The following PARD3B variants were observed in gnomAD, a reference collection of about 807,000 sequenced individuals.
PARD3B encodes partitioning defective 3 homolog B.
A neutral mutation model predicts 130.2 loss-of-function variants in PARD3B; 103 were observed. That is an observed-to-expected ratio of 0.79 (90% CI 0.67 to 0.93). The LOEUF (loss-of-function observed/expected upper bound fraction) is 0.93, where lower values mean the gene tolerates loss of function less well. PARD3B is among the 40% of genes least tolerant of loss of function. The probability of loss-of-function intolerance (pLI) is 0.00; values close to 1 mark genes in which losing one functional copy is unlikely to be tolerated. For synonymous variants in PARD3B, 583 were observed against 553.2 expected (o/e 1.05, Z -0.76); for missense variants, 1,609 against 1,499.2 (o/e 1.07, Z -1.21).
At chr2:204,550,621 C>CT (rs2030385753) in intron 1 of PARD3B, among the ~76,000 whole-genome samples, 2 of 152,122 alleles carry the variant, frequency 1.3e-5, no homozygotes, top group African/African-American at 4.8e-5. Context: ...TGAGTACACC[C>CT]TTTTTTGGAA....
Position 205,185,782 on chromosome 2 carries a change from A to T in PARD3B, c.1943A>T (p.Asp648Val). ...DKQKGLLLPN[D>V]GWAESEVPPS... is the part of the protein sequence containing the mutation. ...TTTATAGGTCTATTGCTGCCCAATG[A>T]CGGATGGGCCGAGAGTGAAGTTCCA... The change falls in exon 14 of 23, where the codon GAC becomes GTC. Residue 648 changes from aspartate (D) to valine (V), a missense_variant. Asp to Val is a radical substitution (Grantham distance 152). Coordinates refer to ENST00000406610, the MANE Select transcript of PARD3B (RefSeq NM_001302769.2). The T allele has an allele frequency of 6.2e-7, 1 of 1,613,910 alleles. No individual in the cohort carries two copies.
At chr2:204,958,411 C>T (rs1474789152) in intron 2 of PARD3B, among the ~76,000 whole-genome samples, 3 of 152,188 alleles carry the variant, frequency 2.0e-5, no homozygotes, top group African/African-American at 4.8e-5. Context: ...AAACCATGTA[C>T]TGCTAGGCAG....
chr2:204,939,501 T>A (rs1197698041), intron 2 of PARD3B, among the ~76,000 whole-genome samples: 2 of 152,204 alleles, frequency 1.3e-5, no homozygotes, highest in Non-Finnish European at 2.9e-5. Context: ...CTTCAATAAA[T>A]CAAGGAATAA....
intron 19 of PARD3B, among the ~76,000 whole-genome samples, chr2:205,422,425 C>G (rs1163165065): frequency 6.6e-6 from 1 of 152,126 alleles, no homozygotes; most frequent in East Asian, 1.9e-4. Flanking sequence ...AAGAGATTGT[C>G]TGGGCTGCTG....
intron 3 of PARD3B, among the ~76,000 whole-genome samples, chr2:205,037,404 G>A (rs1156825010): frequency 6.9e-6 from 1 of 145,754 alleles, no homozygotes; most frequent in Non-Finnish European, 1.5e-5. Context: ...ATATATAGTG[G>A]ACTATATGTA....
intron 2 of PARD3B, among the ~76,000 whole-genome samples, chr2:204,696,738 T>A (rs942078320): frequency 6.6e-6 from 1 of 152,120 alleles, no homozygotes; most frequent in African/African-American, 2.4e-5. Flanking sequence ...ATATGGAAAC[T>A]TCACTTACAG....
intron 3 of PARD3B, among the ~76,000 whole-genome samples, chr2:205,042,622 G>A (rs1698472396): frequency 6.6e-6 from 1 of 151,918 alleles, no homozygotes; most frequent in Admixed American, 6.6e-5. Context: ...TAAATAAAAT[G>A]GGGACTTGAT....
chr2:204,752,791 A>G (rs6737572), intron 2 of PARD3B, among the ~76,000 whole-genome samples: 52,388 of 151,910 alleles, frequency 0.34, 11,426 homozygotes, highest in African/African-American at 0.63. Flanking sequence ...TTGACCATGT[A>G]CAATTGCGTG....
intron 22 of PARD3B, among the ~76,000 whole-genome samples, chr2:205,577,915 A>G (rs748033154): frequency 1.3e-5 from 2 of 152,206 alleles, no homozygotes; most frequent in Non-Finnish European, 2.9e-5. Context: ...GAACTCTTCT[A>G]TAACATTTAT....
intron 4 of PARD3B, among the ~76,000 whole-genome samples, chr2:205,084,439 C>A (rs751039003): frequency 2.0e-5 from 3 of 152,008 alleles, no homozygotes; most frequent in Admixed American, 1.3e-4. Context: ...TTGTAAGGAA[C>A]ATGTCTTATT....
intron 19 of PARD3B, among the ~76,000 whole-genome samples, chr2:205,419,267 T>C (rs764794988): frequency 1.1e-4 from 16 of 152,154 alleles, no homozygotes; most frequent in Non-Finnish European, 2.2e-4. Flanking sequence ...AGGAGTTCCC[T>C]GCACAAGTTC....
chr2:204,809,260 T>C (rs1299923298), intron 2 of PARD3B, among the ~76,000 whole-genome samples: 1 of 152,170 alleles, frequency 6.6e-6, no homozygotes, highest in Non-Finnish European at 1.5e-5. Context: ...TCTTTTGCTG[T>C]TAGAAGCACT....
chr2:204,574,769 G>A (rs759810511), intron 1 of PARD3B, among the ~76,000 whole-genome samples: 25 of 152,122 alleles, frequency 1.6e-4, no homozygotes, highest in Non-Finnish European at 2.9e-5. Context: ...TCTGTATCAT[G>A]TCTGTGTTTC....
At chr2:205,393,126 T>C (rs2045914724) in intron 18 of PARD3B, among the ~76,000 whole-genome samples, 1 of 152,186 alleles carries the variant, frequency 6.6e-6, no homozygotes, top group African/African-American at 2.4e-5. Context: ...GAGATTACAA[T>C]ACATGGAAGT....
At chr2:204,759,087 C>T (rs944520576) in intron 2 of PARD3B, among the ~76,000 whole-genome samples, 45 of 152,262 alleles carry the variant, frequency 3.0e-4, no homozygotes, top group African/African-American at 1.1e-3. Context: ...CTATCAGGCA[C>T]TTTTTCCTGA....
chr2:205,238,436 G>T (rs1436263262), intron 15 of PARD3B, among the ~76,000 whole-genome samples: 1 of 151,950 alleles, frequency 6.6e-6, no homozygotes, highest in Non-Finnish European at 1.5e-5. Flanking sequence ...CAAGATCCCT[G>T]TCTCTAAATT....
chr2:204,637,376 CA>C (rs1222831001), intron 1 of PARD3B, among the ~76,000 whole-genome samples: 1 of 152,108 alleles, frequency 6.6e-6, no homozygotes, highest in Non-Finnish European at 1.5e-5. Flanking sequence ...CTATTGTTAA[CA>C]GTTAATTTCC....
rs114165225 is a variant in PARD3B at position 205,516,818 on chromosome 2, A to G, written c.3180+16787A>G. 8.5e-3 allele frequency among the ~76,000 whole-genome samples: 1,298 copies of G among 152,234 alleles called. 7 individuals carry two copies. The highest frequency in any genetic ancestry group is 0.015 in the Non-Finnish European group (1,022 of 68,012). On this transcript the variant is annotated intron_variant, in intron 21 of 22. Transcript: ENST00000406610. Reference sequence around the variant, plus strand: ...AATACTCTGTTGATCAGGAGTGGTGAGAGAGAGCATTCTTGTCTTGTGACA... The same window carrying G: ...AATACTCTGTTGATCAGGAGTGGTGGGAGAGAGCATTCTTGTCTTGTGACA...
At chr2:205,207,872 G>T (rs2037405159) in intron 15 of PARD3B, among the ~76,000 whole-genome samples, 1 of 119,994 alleles carries the variant, frequency 8.3e-6, no homozygotes. Flanking sequence ...ATTTTATGAG[G>T]CCAGCATCAT....
Sources: gnomAD v4.1 joint callset for allele counts (sites outside exome capture counted in the v4.1 genomes callset) on GRCh38, gnomAD v4.1.1 for gene constraint, MANE v1.5 for transcripts, NCBI Gene and HGNC (gene_info 2026-07-23, HGNC 2026-07-21) for gene names.